The following ZNF483 variants were observed in gnomAD, a reference collection of about 807,000 sequenced individuals.
The protein encoded by ZNF483 is zinc finger protein HIT-10.
A neutral mutation model predicts 28.6 loss-of-function variants in ZNF483; 9 were observed. That is an observed-to-expected ratio of 0.32 (90% CI 0.19 to 0.55). The LOEUF is 0.55. ZNF483 is among the 20% of genes least tolerant of loss of function. ZNF483 has a pLI of 0.93. For synonymous variants in ZNF483, 322 were observed against 306.2 expected (o/e 1.05, Z -0.54); for missense variants, 675 against 871.7 (o/e 0.77, Z 2.84).
intron 1 of ZNF483, among the ~76,000 whole-genome samples, chr9:111,526,942 A>G (rs1011276233): frequency 1.3e-5 from 2 of 152,116 alleles, no homozygotes; most frequent in Non-Finnish European, 2.9e-5. Context: ...TCTACTAAAA[A>G]TACAAAAATT....
At chr9:111,538,393 G>A (rs1029206606) in intron 5 of ZNF483, among the ~76,000 whole-genome samples, 6 of 151,728 alleles carry the variant, frequency 4.0e-5, no homozygotes, top group Non-Finnish European at 8.8e-5. Flanking sequence ...TGTGTGCCGT[G>A]GTGAGAGGAT....
intron 5 of ZNF483, among the ~76,000 whole-genome samples, chr9:111,562,182 G>C (rs771693115): frequency 5.3e-5 from 8 of 149,834 alleles, no homozygotes; most frequent in Non-Finnish European, 1.0e-4. Context: ...CTATGCTGGT[G>C]TTTTAAATAA....
intron 2 of ZNF483, among the ~76,000 whole-genome samples, chr9:111,529,268 A>G (rs916413869): frequency 6.6e-6 from 1 of 152,248 alleles, no homozygotes; most frequent in African/African-American, 2.4e-5. Flanking sequence ...AAATTTGCCT[A>G]AAATTCTTTT....
Position 111,551,417 on chromosome 9 carries a change from T to G in ZNF483, c.*8247T>G, listed in dbSNP as rs545881114. On this transcript the variant is annotated 3_prime_UTR_variant, in exon 6 of 6. Transcript: ENST00000309235. The stretch of plus-strand genomic sequence containing the variant: ...CAGTTTTTGTTTTTTTTTTTTTTTT[T>G]TTTTTTTTGAGATGGAGTCTCACTC... 3.7e-3 allele frequency among the ~76,000 whole-genome samples: 522 copies of G among 142,292 alleles called. 3 individuals are homozygous for G. Among genetic ancestry groups the G allele is most frequent in the African/African-American group, 0.013 (488 of 38,418 alleles). The allele number at this position is 142,292 out of a possible 152,430, so 93.3% of individuals were successfully genotyped here. A position where few individuals can be genotyped will look rare whatever the true frequency, so the allele number is the denominator to read the frequency against.
At chr9:111,529,954 A>G (rs979041300) in intron 2 of ZNF483, among the ~76,000 whole-genome samples, 2 of 152,142 alleles carry the variant, frequency 1.3e-5, no homozygotes, top group Non-Finnish European at 2.9e-5. Context: ...TATAAAGGAG[A>G]AAGACAGTCT....
chr9:111,570,733 C>T (rs540428975), intron 5 of ZNF483, among the ~76,000 whole-genome samples: 54 of 151,896 alleles, frequency 3.6e-4, no homozygotes, highest in African/African-American at 1.2e-3. Context: ...GAGCCAAGAT[C>T]GTGCCACCGC....
intron 5 of ZNF483, chr9:111,562,861 T>C: frequency 1.9e-6 from 2 of 1,029,272 alleles, no homozygotes; most frequent in Non-Finnish European, 2.5e-6. Context: ...TGGAAAATTT[T>C]CACACTTCAA....
exon 6 of ZNF483, chr9:111,576,822 G>A (rs1829078399): frequency 6.4e-6 from 1 of 155,738 alleles, no homozygotes; most frequent in South Asian, 2.0e-4. Flanking sequence ...CAGGTGTGGT[G>A]GCTCATGCCT....
At chr9:111,535,293 C>T (rs779994270) in intron 5 of ZNF483, among the ~76,000 whole-genome samples, 1 of 152,182 alleles carries the variant, frequency 6.6e-6, no homozygotes, top group African/African-American at 2.4e-5. Flanking sequence ...AGAGTGTTAA[C>T]ACTGATGCAT....
rs1317748680 is a variant in ZNF483 at position 111,549,940 on chromosome 9, G to A, written c.*6770G>A. On this transcript the variant is annotated 3_prime_UTR_variant, in exon 6 of 6. Coordinates refer to ENST00000309235, the MANE Select transcript of ZNF483 (RefSeq NM_133464.5). ...TTGTGCCTTTGAATGGTCAATACTT[G>A]TTTCTTTGTATGCATCGTGATTGTT... 8.7e-6 allele frequency: 5 copies of A among 576,254 alleles called. No individual in the cohort carries two copies. Among genetic ancestry groups the A allele is most frequent in the Non-Finnish European group, 1.5e-5 (5 of 331,438 alleles). 35.7% of individuals were successfully genotyped at this position (576,254 alleles called of 1,614,324 possible).
rs200679867 is a variant in ZNF483 at position 111,530,912 on chromosome 9, G to A, written c.450G>A (p.Glu150=). ...AAGATTCTACTGTTTCCCAAGAGGA[G>A]AACTCAAAAGAGGATAAAATGGTCA... ...VSQDSTVSQE[E]NSKEDKMVTV... is the part of the protein sequence containing the mutation. Residue 150 remains glutamate, a synonymous_variant, in exon 3 of 6, where the codon GAG becomes GAA. Transcript: ENST00000309235. 9.7e-5 allele frequency: 150 copies of A among 1,548,304 alleles called. No individual in the cohort carries two copies. Among genetic ancestry groups the A allele is most frequent in the Admixed American group, 2.2e-4 (13 of 58,028 alleles).
chr9:111,564,235 G>A, intron 5 of ZNF483: 1 of 1,067,412 alleles, frequency 9.4e-7, no homozygotes, highest in Non-Finnish European at 1.2e-6. Context: ...TTATTTGCTT[G>A]AAGTCAGTCA....
rs1489917494 is a variant in ZNF483 at position 111,545,489 on chromosome 9, AT to A, written c.*2320del. Among the ~76,000 whole-genome samples the A allele has an allele frequency of 6.6e-6, 1 of 152,174 alleles. No homozygotes were observed. The highest frequency in any genetic ancestry group is 1.9e-4 in the East Asian group (1 of 5,200). On this transcript the variant is annotated 3_prime_UTR_variant, in exon 6 of 6. Coordinates refer to ENST00000309235, the MANE Select transcript of ZNF483 (RefSeq NM_133464.5). ...TACAATTCAGTGAGTTTTAGTAAAT[AT>A]GCTGAGTTGTGCAACCATTACCATA...
chr9:111,566,181 C>T (rs1388801670), intron 5 of ZNF483, among the ~76,000 whole-genome samples: 11 of 152,036 alleles, frequency 7.2e-5, no homozygotes, highest in South Asian at 4.2e-4. Flanking sequence ...CCAGCCTGGA[C>T]GACAGAGTGA....
At chr9:111,560,972 TATAGAGAGAGAGAG>T (rs1188200902) in intron 5 of ZNF483, among the ~76,000 whole-genome samples, 3 of 21,320 alleles carry the variant, frequency 1.4e-4, no homozygotes, top group Non-Finnish European at 2.6e-4. Flanking sequence ...TATATATATA[TATAGAGAGAGAGAG>T]AGAGAGAGAG....
At position 111,548,337 on chromosome 9, in the gene ZNF483, G is replaced by A. The variant is rs1421695033; in HGVS notation, c.*5167G>A. Among the ~76,000 whole-genome samples the A allele has an allele frequency of 1.3e-5, 2 of 152,274 alleles. No individual in the cohort carries two copies. The highest frequency in any genetic ancestry group is 4.8e-5 in the African/African-American group (2 of 41,568). Reference sequence around the variant, plus strand: ...TTAATTTTTTCAGCAATGTGTTACAGTTGTCATTGTACAAGTCTTTTGCCT... The same window carrying A: ...TTAATTTTTTCAGCAATGTGTTACAATTGTCATTGTACAAGTCTTTTGCCT... On this transcript the variant is annotated 3_prime_UTR_variant, in exon 6 of 6. Transcript: ENST00000309235.
intron 5 of ZNF483, among the ~76,000 whole-genome samples, chr9:111,575,088 G>T (rs1474742965): frequency 1.2e-4 from 18 of 152,118 alleles, no homozygotes; most frequent in Admixed American, 1.2e-3. Context: ...ATCACCTGAG[G>T]TCAGGCGTTC....
chr9:111,564,164 A>T (rs935119593), intron 5 of ZNF483: 1 of 913,130 alleles, frequency 1.1e-6, no homozygotes, highest in Non-Finnish European at 1.4e-6. Context: ...TACCTGATAC[A>T]AGTTTTTCGC....
Position 111,541,903 on chromosome 9 carries a change from T to C in ZNF483, c.968T>C (p.Val323Ala). ...TCAGACTTAATTAAACATCTGAGAGTCTACTTGAGGAAGAAATCTCGGAGG... is the reference window on the plus strand; with the variant it reads ...TCAGACTTAATTAAACATCTGAGAGCCTACTTGAGGAAGAAATCTCGGAGG... ...ETSDLIKHLR[V>A]YLRKKSRRYN... Residue 323 changes from valine (V) to alanine (A), a missense_variant, in exon 6 of 6, where the codon GTC (valine) becomes GCC (alanine). Val to Ala is a moderately conservative substitution (Grantham distance 64, BLOSUM62 0). This residue lies in a region of ZNF483 where 525 missense variants were observed against 581.8 expected (regional missense o/e 0.90). Transcript: ENST00000309235. 2 of 1,613,792 alleles carry C rather than the reference T, an allele frequency of 1.2e-6. No individual in the cohort carries two copies. Among genetic ancestry groups the C allele is most frequent in the Non-Finnish European group, 1.7e-6 (2 of 1,179,958 alleles).
Sources: allele counts gnomAD v4.1 joint callset (sites outside exome capture counted in the v4.1 genomes callset), GRCh38; gene constraint gnomAD v4.1.1; regional missense constraint gnomAD v4.1.1; transcripts MANE v1.5; gene names NCBI Gene and HGNC (gene_info 2026-07-23, HGNC 2026-07-21).